The following TBC1D22A variants were observed in gnomAD, a reference collection of about 807,000 sequenced individuals.
TBC1D22A encodes the protein putative GTPase activator.
In TBC1D22A, 38 loss-of-function variants were observed where a neutral mutation model predicts 60.2. The ratio of observed to expected loss-of-function variants is 0.63; its 90% CI spans 0.49 to 0.83. The LOEUF is 0.83. Among genes scored for constraint, TBC1D22A ranks in the 40% least tolerant of loss-of-function variants. The probability of loss-of-function intolerance (pLI) is 0.00; values close to 1 mark genes in which losing one functional copy is unlikely to be tolerated. For missense variants in TBC1D22A, 628 were observed against 701.0 expected (o/e 0.90, Z 1.18); for synonymous variants, 302 against 281.7 (o/e 1.07, Z -0.72).
chr22:47,078,594 C>T (rs960862727), intron 11 of TBC1D22A, among the ~76,000 whole-genome samples: 2 of 152,238 alleles, frequency 1.3e-5, no homozygotes, highest in Non-Finnish European at 2.9e-5. Context: ...TGTCACAGGC[C>T]AGAGCTGTGG....
chr22:46,924,401 A>G (rs1243037643), intron 8 of TBC1D22A, among the ~76,000 whole-genome samples: 2 of 152,168 alleles, frequency 1.3e-5, no homozygotes, highest in Non-Finnish European at 2.9e-5. Context: ...CTCTTAAATT[A>G]CTCTTGAAAG....
chr22:46,920,220 C>T (rs894705227), intron 8 of TBC1D22A, among the ~76,000 whole-genome samples: 1 of 152,138 alleles, frequency 6.6e-6, no homozygotes, highest in Non-Finnish European at 1.5e-5. Context: ...GCTGGGACTA[C>T]AGGCATGCAC....
chr22:47,104,007 G>T (rs552262685), intron 11 of TBC1D22A, among the ~76,000 whole-genome samples: 1 of 152,148 alleles, frequency 6.6e-6, no homozygotes, highest in Non-Finnish European at 1.5e-5. Context: ...GGGAAAATTT[G>T]CGTCTGTAAA....
chr22:47,045,629 C>T lies in TBC1D22A; in HGVS notation c.1329+8431C>T, dbSNP rs1476762489. On this transcript the variant is annotated intron_variant, in intron 11 of 12. Transcript: ENST00000337137. The stretch of plus-strand genomic sequence containing the variant: ...TGTTAGCGGGTTAGCGTTTTGATGA[C>T]TCTTTTCTCCCATTGTGTTCATTTC... Among the ~76,000 whole-genome samples, 3 of 152,234 alleles carry T rather than the reference C, an allele frequency of 2.0e-5. No homozygotes were observed. The East Asian group carries it at 5.8e-4, about 29-fold the overall frequency.
At chr22:47,056,809 C>T (rs2063407666) in intron 11 of TBC1D22A, among the ~76,000 whole-genome samples, 1 of 152,124 alleles carries the variant, frequency 6.6e-6, no homozygotes, top group Non-Finnish European at 1.5e-5. Context: ...CTCAGGTTTC[C>T]TAGGGTGGTG....
Position 47,173,195 on chromosome 22 carries a change from G to T in TBC1D22A, c.1426-303G>T, listed in dbSNP as rs772485852. ...ATGCCGGACTTGGAGCTGCGCAGTG[G>T]GCCTCCTGCCTGGCTGCTGGGATGG... On this transcript the variant is annotated intron_variant, in intron 12 of 12. Transcript: ENST00000337137. 2.0e-5 allele frequency among the ~76,000 whole-genome samples: 3 copies of T among 152,320 alleles called. No individual in the cohort carries two copies. The East Asian group carries it at 5.8e-4, about 29-fold the overall frequency.
chr22:47,005,755 C>G (rs1029976929), intron 10 of TBC1D22A, among the ~76,000 whole-genome samples: 1 of 151,700 alleles, frequency 6.6e-6, no homozygotes, highest in Non-Finnish European at 1.5e-5. Flanking sequence ...CCCGTATACA[C>G]ACACACACCT....
At chr22:47,169,191 G>A (rs907360935) in intron 12 of TBC1D22A, among the ~76,000 whole-genome samples, 3 of 152,244 alleles carry the variant, frequency 2.0e-5, no homozygotes, top group South Asian at 4.1e-4. Context: ...GCATGGTGGT[G>A]TGTGAGTCAG....
chr22:47,095,378 A>T (rs1446660529), intron 11 of TBC1D22A, among the ~76,000 whole-genome samples: 1 of 152,226 alleles, frequency 6.6e-6, no homozygotes, highest in Non-Finnish European at 1.5e-5. Context: ...AAATCGAACA[A>T]TGCAATTAAA....
intron 12 of TBC1D22A, among the ~76,000 whole-genome samples, chr22:47,115,124 C>T (rs2065987449): frequency 1.3e-5 from 2 of 152,118 alleles, no homozygotes; most frequent in African/African-American, 2.4e-5. Context: ...CCCTGGATGG[C>T]GGCACCTTCT....
At chr22:46,975,621 G>A (rs1450917690) in intron 9 of TBC1D22A, among the ~76,000 whole-genome samples, 1 of 152,196 alleles carries the variant, frequency 6.6e-6, no homozygotes, top group African/African-American at 2.4e-5. Flanking sequence ...TTGCCTAGCA[G>A]GGCTTGGCTT....
chr22:47,159,447 TAC>T (rs2067875749), intron 12 of TBC1D22A, among the ~76,000 whole-genome samples: 1 of 149,062 alleles, frequency 6.7e-6, no homozygotes, highest in South Asian at 2.1e-4. Context: ...ACAGCATGTA[TAC>T]ACACAGACAC....
intron 4 of TBC1D22A, among the ~76,000 whole-genome samples, chr22:46,877,592 C>G (rs1433147854): frequency 2.0e-5 from 3 of 152,050 alleles, no homozygotes; most frequent in Non-Finnish European, 4.4e-5. Flanking sequence ...GACTATCGCC[C>G]AATTATTCTG....
chr22:47,113,481 C>T (rs938172906), intron 12 of TBC1D22A, among the ~76,000 whole-genome samples: 2 of 152,114 alleles, frequency 1.3e-5, no homozygotes, highest in African/African-American at 4.8e-5. Context: ...TGCTCAGGCC[C>T]ATGCTAACAA....
intron 10 of TBC1D22A, among the ~76,000 whole-genome samples, chr22:47,034,930 A>C (rs2062607315): frequency 6.6e-6 from 1 of 152,126 alleles, no homozygotes; most frequent in Non-Finnish European, 1.5e-5. Flanking sequence ...CGACTCTGGC[A>C]CTGATGCGTC....
chr22:47,003,088 G>T (rs1245839070), intron 10 of TBC1D22A, among the ~76,000 whole-genome samples: 1 of 152,126 alleles, frequency 6.6e-6, no homozygotes, highest in Non-Finnish European at 1.5e-5. Context: ...AAGGGCTAGG[G>T]GCGCCAAACT....
chr22:47,115,196 ATTGCCAC>A (rs4044147), intron 12 of TBC1D22A, among the ~76,000 whole-genome samples: 115,432 of 151,408 alleles, frequency 0.76, 44,868 homozygotes, highest in East Asian at 0.97. Context: ...TCTCTGGAGG[ATTGCCAC>A]TTTGCCACCT....
rs144036295 is a variant in TBC1D22A at position 46,940,478 on chromosome 22, G to A, written c.1015+28290G>A. 8.6e-3 allele frequency among the ~76,000 whole-genome samples: 1,206 copies of A among 139,456 alleles called. 18 individuals carry two copies. Among genetic ancestry groups the A allele is most frequent in the African/African-American group, 0.031 (1,153 of 37,010 alleles). The allele number at this position is 139,456 out of a possible 152,430, so 91.5% of individuals were successfully genotyped here. On this transcript the variant is annotated intron_variant, in intron 8 of 12. Coordinates refer to ENST00000337137, the MANE Select transcript of TBC1D22A (RefSeq NM_014346.5). ...AATATATATATATATATGTATGTATGTATATATATACACACACACAGTCTA... is the reference window on the plus strand; with the variant it reads ...AATATATATATATATATGTATGTATATATATATATACACACACACAGTCTA...
chr22:46,850,904 A>C (rs1016622296), intron 4 of TBC1D22A, among the ~76,000 whole-genome samples: 1 of 152,252 alleles, frequency 6.6e-6, no homozygotes, highest in Non-Finnish European at 1.5e-5. Flanking sequence ...GCATTATGTT[A>C]AGTGAAATAA....
Sources: gnomAD v4.1 joint callset for allele counts (sites outside exome capture counted in the v4.1 genomes callset) on GRCh38, gnomAD v4.1.1 for gene constraint, MANE v1.5 for transcripts, NCBI Gene and HGNC (gene_info 2026-07-23, HGNC 2026-07-21) for gene names.